METTL21A: variants seen among roughly 807,000 people sequenced by gnomAD.
The protein encoded by METTL21A is protein N-lysine methyltransferase METTL21A.
Under a neutral mutation model 20.9 loss-of-function variants are expected in METTL21A, and 22 were observed. The observed-to-expected ratio is 1.05, with a 90% confidence interval of 0.75 to 1.50. The LOEUF is 1.50. METTL21A is among the 40% of genes most tolerant of loss of function. The pLI, the probability that METTL21A is intolerant of heterozygous loss-of-function variation, is 0.00. For missense variants in METTL21A, 271 were observed against 266.8 expected (o/e 1.02, Z -0.11); for synonymous variants, 93 against 102.0 (o/e 0.91, Z 0.53).
At chr2:207,599,443 A>G (rs546145116) in intron 3 of METTL21A, 9 of 199,124 alleles carry the variant, frequency 4.5e-5, no homozygotes, top group East Asian at 2.4e-4. Flanking sequence ...CAGGCTTTCT[A>G]CTTACTGGGA....
chr2:207,608,593 C>A (rs189320581), downstream of METTL21A, among the ~76,000 whole-genome samples: 1 of 152,302 alleles, frequency 6.6e-6, no homozygotes, highest in East Asian at 1.9e-4. Flanking sequence ...ACCCACCCTG[C>A]CCCATCCACG....
rs896457742 is a variant in METTL21A, at chr2:207,596,229, A to AT, written c.260-14070dup. ...CACCATTTGTTGAAGAGACTGTTAGATTTTTTTAAATGCCCTGAAATGATT... is the reference window on the plus strand; with the variant it reads ...CACCATTTGTTGAAGAGACTGTTAGATTTTTTTTAAATGCCCTGAAATGATT... On this transcript the variant is annotated intron_variant, in intron 3 of 3. Transcript: ENST00000425132. Among the ~76,000 whole-genome samples, 5 of 152,108 alleles carry AT rather than the reference A, an allele frequency of 3.3e-5. No homozygotes were observed. The South Asian group carries it at 8.3e-4, about 25-fold the overall frequency.
intron 3 of METTL21A, among the ~76,000 whole-genome samples, chr2:207,618,634 G>A (rs188641444): frequency 9.0e-4 from 137 of 152,170 alleles, no homozygotes; most frequent in African/African-American, 3.2e-3. Context: ...ACCCGGAGGC[G>A]GGGGCAGAGA....
intron 3 of METTL21A, among the ~76,000 whole-genome samples, chr2:207,590,086 T>TTTG (rs1321831099): frequency 5.8e-4 from 55 of 94,960 alleles, no homozygotes; most frequent in African/African-American, 1.6e-3. Context: ...TTGAGAAGTT[T>TTTG]TTTTTTTTTT....
At position 207,588,387 on chromosome 2, in the gene METTL21A, G is replaced by C. The variant is rs569380965; in HGVS notation, c.260-6227C>G. On this transcript the variant is annotated intron_variant, in intron 3 of 3. Transcript: ENST00000425132. ...TCTGTTTCTTGGATATCTTTCCATT[G>C]ATCTTTGTGTCTGTCCTTTAGCCAA... Among the ~76,000 whole-genome samples, 30 of 152,110 alleles carry C rather than the reference G, an allele frequency of 2.0e-4. 1 individual carries two copies. The South Asian group carries it at 5.8e-3, about 30-fold the overall frequency.
intron 3 of METTL21A, chr2:207,603,371 CAT>C (rs1330233509): frequency 2.2e-5 from 5 of 224,646 alleles, no homozygotes; most frequent in Admixed American, 5.7e-5. Context: ...TATCAACTGT[CAT>C]AATGCTCTTT....
At chr2:207,592,182 C>T (rs532220767) in intron 3 of METTL21A, among the ~76,000 whole-genome samples, 8 of 152,146 alleles carry the variant, frequency 5.3e-5, no homozygotes, top group Middle Eastern at 6.8e-3. Context: ...CTGAGGTAGG[C>T]GGATCACAAG....
chr2:207,625,064 C>G (rs1248846688), intron 1 of METTL21A: 1 of 152,614 alleles, frequency 6.6e-6, no homozygotes, highest in Admixed American at 6.5e-5. Flanking sequence ...CCACTCACCC[C>G]TCTCCCGGGA....
At chr2:207,613,683 G>A (rs1354166475) in intron 3 of METTL21A, among the ~76,000 whole-genome samples, 1 of 152,194 alleles carries the variant, frequency 6.6e-6, no homozygotes, top group East Asian at 1.9e-4. Flanking sequence ...CTAAAATTGT[G>A]CCTATAAATT....
chr2:207,615,995 C>T (rs981134718), intron 3 of METTL21A, among the ~76,000 whole-genome samples: 2 of 151,910 alleles, frequency 1.3e-5, no homozygotes, highest in Admixed American at 6.6e-5. Flanking sequence ...GCAATCCACC[C>T]GTCTTGGCCT....
At chr2:207,582,144 G>A in exon 4 of METTL21A, 1 of 702,880 alleles carries the variant, frequency 1.4e-6, no homozygotes, top group Non-Finnish European at 2.6e-6. Context: ...AAGGGGAGGA[G>A]AATTAAATTC....
At position 207,597,260 on chromosome 2, in the gene METTL21A, C is replaced by T. The variant is rs992675244; in HGVS notation, c.260-15100G>A. The T allele has an allele frequency of 2.7e-5, 13 of 488,138 alleles. 1 individual carries two copies. In the Middle Eastern group the frequency reaches 2.2e-3, roughly 84 times the overall value. The allele number at this position is 488,138 out of a possible 1,614,324, so 30.2% of individuals were successfully genotyped here. A position where few individuals can be genotyped will look rare whatever the true frequency, so the allele number is the denominator to read the frequency against. On this transcript the variant is annotated intron_variant, in intron 3 of 3. Coordinates refer to the METTL21A transcript ENST00000425132. ...CAACACCTGCCTCCACTTCTCCCCT[C>T]AAGAAATTTTCAACGCCAGGAATCA...
chr2:207,580,952 A>G (rs11692041), downstream of METTL21A: 2,907 of 216,602 alleles, frequency 0.013, 35 homozygotes, highest in Non-Finnish European at 0.017. Context: ...TAGCCACAGC[A>G]CAGGCAAGGA....
upstream of METTL21A, chr2:207,625,683 C>A (rs2091029401): frequency 6.6e-6 from 1 of 152,286 alleles, no homozygotes; most frequent in South Asian, 2.1e-4. Flanking sequence ...CCACCTGGCG[C>A]TGAATGTGCC....
chr2:207,604,751 C>T (rs181042336), downstream of METTL21A, among the ~76,000 whole-genome samples: 2 of 152,308 alleles, frequency 1.3e-5, no homozygotes, highest in African/African-American at 4.8e-5. Context: ...CTCCTCCCAC[C>T]GCCCTTGTCC....
At chr2:207,625,517 C>T (rs1429806643), upstream of METTL21A, 1 of 152,294 alleles carries the variant, frequency 6.6e-6, no homozygotes, top group Non-Finnish European at 1.5e-5. Flanking sequence ...CCTCGTGCGT[C>T]CCCAGGGTAC....
intron 3 of METTL21A, among the ~76,000 whole-genome samples, chr2:207,593,823 A>G (rs1368058057): frequency 6.7e-6 from 1 of 148,874 alleles, no homozygotes; most frequent in Non-Finnish European, 1.5e-5. Context: ...GGTTCAAGCG[A>G]TTTTCCTACC....
Position 207,602,702 on chromosome 2 carries a change from G to A in METTL21A, c.259+19104C>T, listed in dbSNP as rs1471094547. On this transcript the variant is annotated intron_variant, in intron 3 of 3. Transcript: ENST00000425132. ...TAAAATTGGTAAATGCTTTATAGAT[G>A]TATTTTTATCCAAGTGCCACTCCAA... is the stretch of plus-strand genomic sequence containing the variant. The A allele has an allele frequency of 1.9e-5, 4 of 209,966 alleles. No individual in the cohort carries two copies. In the East Asian group the frequency reaches 2.9e-4, roughly 15 times the overall value. 13.0% of individuals were successfully genotyped at this position (209,966 alleles called of 1,614,324 possible). A position where few individuals can be genotyped will look rare whatever the true frequency, so the allele number is the denominator to read the frequency against.
At chr2:207,593,711 C>T (rs1268552391) in intron 3 of METTL21A, among the ~76,000 whole-genome samples, 2 of 143,684 alleles carry the variant, frequency 1.4e-5, no homozygotes, top group African/African-American at 5.2e-5. Context: ...TCATTTGATC[C>T]TCACAAACTT....
Sources: allele counts gnomAD v4.1 joint callset (sites outside exome capture counted in the v4.1 genomes callset), GRCh38; gene constraint gnomAD v4.1.1; transcripts MANE v1.5; gene names NCBI Gene and HGNC (gene_info 2026-07-23, HGNC 2026-07-21).